The following SLC9C1 variants were observed in gnomAD, a reference collection of about 807,000 sequenced individuals.
SLC9C1 encodes sodium/hydrogen exchanger 10.
In SLC9C1, 97 loss-of-function variants were observed where a neutral mutation model predicts 140.9. The ratio of observed to expected loss-of-function variants is 0.69; its 90% CI spans 0.58 to 0.82. The LOEUF is 0.82. Ranked by LOEUF, SLC9C1 falls within the 40% of genes least tolerant of loss-of-function variation. The probability of loss-of-function intolerance (pLI) is 0.00; values close to 1 mark genes in which losing one functional copy is unlikely to be tolerated. For synonymous variants in SLC9C1, 440 were observed against 442.6 expected (o/e 0.99, Z 0.07); for missense variants, 1,340 against 1,389.3 (o/e 0.96, Z 0.56).
chr3:112,221,235 T>A lies in SLC9C1; in HGVS notation c.1573-10A>T, dbSNP rs1255018187. On this transcript the variant is annotated splice_polypyrimidine_tract_variant and intron_variant, in intron 13 of 28. Coordinates refer to ENST00000305815, the MANE Select transcript of SLC9C1 (RefSeq NM_183061.3). ...GTCTCTGGTAGCTTGCCTAAAAAAATATTAATTCAAGTCATTATATAGCAT... is the reference window on the plus strand; with the variant it reads ...GTCTCTGGTAGCTTGCCTAAAAAAAAATTAATTCAAGTCATTATATAGCAT... 1 of 1,609,682 alleles carries A rather than the reference T, an allele frequency of 6.2e-7. No homozygotes were observed. Among genetic ancestry groups the A allele is most frequent in the East Asian group, 2.2e-5 (1 of 44,802 alleles).
At chr3:112,164,793 G>A (rs2107901807) in intron 26 of SLC9C1, among the ~76,000 whole-genome samples, 1 of 152,016 alleles carries the variant, frequency 6.6e-6, no homozygotes, top group Non-Finnish European at 1.5e-5. Context: ...GGCATTCTCT[G>A]TATTTCGTGA....
At chr3:112,145,059 A>G (rs2107836245) in intron 28 of SLC9C1, among the ~76,000 whole-genome samples, 1 of 152,238 alleles carries the variant, frequency 6.6e-6, no homozygotes, top group Admixed American at 6.5e-5. Flanking sequence ...CCTATTCAGT[A>G]TGATGTTGGC....
intron 1 of SLC9C1, 49 bp from the exon 2 acceptor site, chr3:112,286,927 A>G (rs1354856688): frequency 1.9e-6 from 1 of 520,172 alleles, no homozygotes; most frequent in Non-Finnish European, 3.3e-6. Context: ...ATAATTTTCT[A>G]AAAAAGAAAA....
rs2077199487 is a variant in SLC9C1 at position 112,169,258 on chromosome 3, A to AT, written c.2989dup (p.Met997AsnfsTer21). On this transcript the variant is annotated frameshift_variant, in exon 24 of 29. Transcript: ENST00000305815. LOFTEE classifies it high-confidence loss of function. ...AATAGCGAGTCCAAGTTTTAGCCAC[A>AT]TTTTTTGTTTAATGAGAGGAGAGCA... The AT allele has an allele frequency of 1.9e-6, 3 of 1,613,574 alleles. No homozygotes were observed. Among genetic ancestry groups the AT allele is most frequent in the Non-Finnish European group, 2.5e-6 (3 of 1,179,786 alleles).
chr3:112,266,634 G>C (rs2079926273), intron 7 of SLC9C1, among the ~76,000 whole-genome samples: 1 of 152,172 alleles, frequency 6.6e-6, no homozygotes, highest in African/African-American at 2.4e-5. Context: ...TTTCAGATGG[G>C]TTCTGGAGGG....
intron 15 of SLC9C1, among the ~76,000 whole-genome samples, chr3:112,217,211 G>A (rs184312039): frequency 1.8e-4 from 28 of 152,226 alleles, no homozygotes; most frequent in Non-Finnish European, 3.1e-4. Flanking sequence ...GTTGTGGGGT[G>A]AGGGGAGGGG....
At position 112,155,056 on chromosome 3, in the gene SLC9C1, A is replaced by T. The variant is rs1244368906; in HGVS notation, c.3365-7T>A. 9.4e-6 allele frequency: 10 copies of T among 1,066,516 alleles called. No individual in the cohort carries two copies. The highest frequency in any genetic ancestry group is 7.2e-5 in the African/African-American group (2 of 27,738). 66.1% of individuals were successfully genotyped at this position (1,066,516 alleles called of 1,614,324 possible). ...TCCAATGTTCCAACTGAACCTGATT[A>T]AAAAAAAAAAAAACAGTGTTAATTC... On this transcript the variant is annotated splice_region_variant and splice_polypyrimidine_tract_variant and intron_variant, in intron 26 of 28. Coordinates refer to ENST00000305815, the MANE Select transcript of SLC9C1 (RefSeq NM_183061.3).
intron 26 of SLC9C1, among the ~76,000 whole-genome samples, chr3:112,165,704 C>T (rs1199710467): frequency 6.6e-6 from 1 of 152,192 alleles, no homozygotes; most frequent in East Asian, 1.9e-4. Context: ...CCCAGTTAGG[C>T]TACTCGGGGG....
chr3:112,241,415 C>T (rs4364142), intron 11 of SLC9C1, among the ~76,000 whole-genome samples: 11 of 151,828 alleles, frequency 7.2e-5, no homozygotes, highest in Admixed American at 3.9e-4. Flanking sequence ...CTCTACAAGG[C>T]GAACTATAAA....
intron 10 of SLC9C1, among the ~76,000 whole-genome samples, chr3:112,259,411 C>A (rs1261363500): frequency 7.3e-6 from 1 of 137,642 alleles, no homozygotes; most frequent in African/African-American, 2.5e-5. Context: ...ATGAGTTTAC[C>A]TATCTAAAAA....
chr3:112,237,069 A>T (rs2079007339), intron 12 of SLC9C1, among the ~76,000 whole-genome samples: 1 of 151,966 alleles, frequency 6.6e-6, no homozygotes, highest in Non-Finnish European at 1.5e-5. Flanking sequence ...GTGGGGTGTT[A>T]ATTTCTCCCA....
At chr3:112,162,340 T>G (rs1211837311) in intron 26 of SLC9C1, among the ~76,000 whole-genome samples, 1 of 152,158 alleles carries the variant, frequency 6.6e-6, no homozygotes, top group African/African-American at 2.4e-5. Flanking sequence ...GGCATCCCTG[T>G]CTTGTGCCAG....
At chr3:112,151,777 G>C in intron 28 of SLC9C1, 80 bp downstream of exon 28, 1 of 1,003,994 alleles carries the variant, frequency 1.0e-6, no homozygotes, top group Admixed American at 2.0e-5. Context: ...TCACATAAAG[G>C]GCAAGTAACT....
At position 112,257,015 on chromosome 3, in the gene SLC9C1, C is replaced by T. The variant is rs138924728; in HGVS notation, c.1197+5909G>A. ...TAACCAGTGGGGTAAAAAATCTCTA[C>T]AATGAGAATTACAAAATTCTGCCCA... On this transcript the variant is annotated intron_variant, in intron 10 of 28. Coordinates refer to ENST00000305815, the MANE Select transcript of SLC9C1 (RefSeq NM_183061.3). Among the ~76,000 whole-genome samples, 110 of 152,146 alleles carry T rather than the reference C, an allele frequency of 7.2e-4. 1 individual carries two copies. Among genetic ancestry groups the T allele is most frequent in the Middle Eastern group, 3.4e-3 (1 of 294 alleles).
chr3:112,151,126 G>A (rs2399404), intron 28 of SLC9C1, among the ~76,000 whole-genome samples: 44,983 of 151,882 alleles, frequency 0.3, 7,228 homozygotes, highest in East Asian at 0.43. Flanking sequence ...GTGAGCCACC[G>A]CGCCCAGCCT....
At chr3:112,186,711 A>C (rs1281705382) in intron 20 of SLC9C1, among the ~76,000 whole-genome samples, 1 of 152,224 alleles carries the variant, frequency 6.6e-6, no homozygotes, top group African/African-American at 2.4e-5. Context: ...AAACTTAACA[A>C]GTTTCAGTAA....
intron 1 of SLC9C1, among the ~76,000 whole-genome samples, chr3:112,287,295 C>G (rs1459821922): frequency 6.6e-6 from 1 of 152,118 alleles, no homozygotes; most frequent in Non-Finnish European, 1.5e-5. Flanking sequence ...GACAGCTATT[C>G]CAAAGTAGGA....
At chr3:112,287,176 T>C (rs761368438) in intron 1 of SLC9C1, among the ~76,000 whole-genome samples, 10 of 152,170 alleles carry the variant, frequency 6.6e-5, no homozygotes, top group African/African-American at 9.7e-5. Context: ...CTATTCACAC[T>C]CACCAATGTG....
At chr3:112,233,048 CACAT>C (rs1243287838) in intron 12 of SLC9C1, among the ~76,000 whole-genome samples, 6 of 62,966 alleles carry the variant, frequency 9.5e-5, no homozygotes, top group Non-Finnish European at 1.3e-4. Flanking sequence ...CACACACACA[CACAT>C]ATATATATAT....
Sources: gnomAD v4.1 joint callset for allele counts (sites outside exome capture counted in the v4.1 genomes callset) on GRCh38, gnomAD v4.1.1 for gene constraint, MANE v1.5 for transcripts, NCBI Gene and HGNC (gene_info 2026-07-23, HGNC 2026-07-21) for gene names.